The following PHLDA1 variants were observed in gnomAD, a reference collection of about 807,000 sequenced individuals.
The protein encoded by PHLDA1 is pleckstrin homology like domain family A member 1, also known as pleckstrin homology-like domain family A member 1.
Under a neutral mutation model 33.8 loss-of-function variants are expected in PHLDA1, and 28 were observed. The ratio of observed to expected loss-of-function variants is 0.83; its 90% CI spans 0.61 to 1.14. PHLDA1 has a LOEUF of 1.14. Ranked by LOEUF, PHLDA1 falls within the 50% of genes most tolerant of loss-of-function variation. The pLI, the probability that PHLDA1 is intolerant of heterozygous loss-of-function variation, is 0.00. For synonymous variants in PHLDA1, 271 were observed against 243.6 expected, an observed-to-expected ratio of 1.11 and a Z score of -1.05; for missense variants, 595 against 548.6, an observed-to-expected ratio of 1.08 and a Z score of -0.84.
At chr12:76,025,651 A>T (rs1469591393) in exon 2 of PHLDA1, 1 of 152,138 alleles carries the variant, frequency 6.6e-6, no homozygotes, top group Admixed American at 6.6e-5. Context: ...ATATTATAAA[A>T]CGTTAAGAAG....
chr12:76,030,400 G>A, intron 1 of PHLDA1, 110 bp downstream of exon 1: 1 of 790,926 alleles, frequency 1.3e-6, no homozygotes, highest in South Asian at 1.7e-5. Flanking sequence ...AACTTGGTAT[G>A]AGTTTTGATT....
rs1231516756 is a variant in PHLDA1, at chr12:76,031,557, G to A, written c.185C>T (p.Pro62Leu). Residue 62 changes from proline to leucine, a missense_variant, in exon 1 of 2, where the codon CCG (proline) becomes CTG (leucine). Transcript: ENST00000266671. This position sits in a 1 kb window ranked among gnomAD's most constrained non-coding sequence, Gnocchi z 5.4. ...CAAGGTCCCGGAGCTCCGAGCTGCC[G>A]GGCCTCTGCCGTCCTCTTGCGAGCG... The A allele has an allele frequency of 6.4e-6, 10 of 1,557,150 alleles. No individual in the cohort carries two copies. The South Asian group carries it at 7.1e-5, about 11-fold the overall frequency.
chr12:76,031,167 T>TGCTGGTGTTGCA lies in PHLDA1; in HGVS notation c.574_575insTGCAACACCAGC (p.Gln191_Gln192insLeuGlnHisGln). The TGCTGGTGTTGCA allele has an allele frequency of 6.2e-7, 1 of 1,612,050 alleles. No homozygotes were observed. Among genetic ancestry groups the TGCTGGTGTTGCA allele is most frequent in the Non-Finnish European group, 8.5e-7 (1 of 1,179,554 alleles). On this transcript the variant is annotated inframe_insertion, in exon 1 of 2. Coordinates refer to ENST00000266671, the Ensembl canonical transcript of PHLDA1. The surrounding 1 kb of genome is among the most constrained non-coding windows in gnomAD (Gnocchi z 5.4). ...CTGCTGCTGCTGCTGTTGCTGCTGC[T>TGCTGGTGTTGCA]GCTGCTGGTGTTGCAGCTGCTTGGG... is the stretch of plus-strand genomic sequence containing the variant.
chr12:76,031,592 G>C lies in PHLDA1; in HGVS notation c.150C>G (p.Pro50=). The C allele has an allele frequency of 6.3e-7, 1 of 1,578,572 alleles. No homozygotes were observed. The highest frequency in any genetic ancestry group is 8.6e-7 in the Non-Finnish European group (1 of 1,164,948). Residue 50 remains proline (P), a synonymous_variant, in exon 1 of 2, where the codon CCC becomes CCG. Coordinates refer to ENST00000266671, the Ensembl canonical transcript of PHLDA1. The surrounding 1 kb of genome is among the most constrained non-coding windows in gnomAD (Gnocchi z 5.4). ...CGTCCTCTTGCGAGCGCTCACTGAA[G>C]GGCACTGGCCGGGCCCCCTCGCGGC...
chr12:76,030,791 GAGCTGCGGCTGC>G, exon 1 of PHLDA1: 1 of 1,484,936 alleles, frequency 6.7e-7, no homozygotes, highest in South Asian at 1.2e-5. Context: ...GTTGGGGCTG[GAGCTGCGGCTGC>G]GGCTGCGGCT....
At position 76,031,526 on chromosome 12, in the gene PHLDA1, G is replaced by A. The variant is rs764661918; in HGVS notation, c.216C>T (p.Arg72=). 2.0e-6 allele frequency: 3 copies of A among 1,528,448 alleles called. No individual in the cohort carries two copies. Among genetic ancestry groups the A allele is most frequent in the Non-Finnish European group, 1.8e-6 (2 of 1,141,056 alleles). The allele number at this position is 1,528,448 out of a possible 1,614,324, so 94.7% of individuals were successfully genotyped here. Residue 72 remains arginine, a synonymous_variant, in exon 1 of 2, where the codon CGC becomes CGT. Transcript: ENST00000266671. This position sits in a 1 kb window ranked among gnomAD's most constrained non-coding sequence, Gnocchi z 5.4. ...GGCAGAGGGACAGCCGCGTCCTGAT[G>A]CGCCACAAGGTCCCGGAGCTCCGAG...
exon 2 of PHLDA1, chr12:76,026,460 T>C (rs1162368851): frequency 6.6e-6 from 1 of 152,182 alleles, no homozygotes; most frequent in Non-Finnish European, 1.5e-5. Context: ...GGCTTTCTCT[T>C]AAAGGGCTTC....
exon 2 of PHLDA1, chr12:76,026,322 C>G (rs1275495433): frequency 3.9e-5 from 6 of 152,196 alleles, no homozygotes; most frequent in Non-Finnish European, 8.8e-5. Context: ...TCTAAGGCTG[C>G]TACTGAATAT....
chr12:76,027,518 T>C (rs571575828), exon 2 of PHLDA1: 30 of 152,194 alleles, frequency 2.0e-4, no homozygotes, highest in African/African-American at 7.2e-4. Flanking sequence ...TCCTAGCACT[T>C]TGGGAGGCCA....
rs781720454 is a variant in PHLDA1, at chr12:76,031,567, C to A, written c.175G>T (p.Gly59Cys). 6.4e-7 allele frequency: 1 copy of A among 1,567,656 alleles called. No individual in the cohort carries two copies. Among genetic ancestry groups the A allele is most frequent in the Non-Finnish European group, 8.6e-7 (1 of 1,159,822 alleles). The change falls in exon 1 of 2, where the codon GGC becomes TGC. Residue 59 changes from glycine (G) to cysteine (C), a missense_variant. Physicochemically the swap from Gly to Cys is radical, Grantham distance 159 (BLOSUM62 -3). This residue lies in a region of PHLDA1 where 263 missense variants were observed against 232.3 expected (regional missense o/e 1.13). Coordinates refer to ENST00000266671, the Ensembl canonical transcript of PHLDA1. This position sits in a 1 kb window ranked among gnomAD's most constrained non-coding sequence, Gnocchi z 5.4. ...GAGCTCCGAGCTGCCGGGCCTCTGC[C>A]GTCCTCTTGCGAGCGCTCACTGAAG...
At chr12:76,027,499 C>CA (rs1278831773) in exon 2 of PHLDA1, 1 of 152,136 alleles carries the variant, frequency 6.6e-6, no homozygotes, top group Admixed American at 6.6e-5. Context: ...TGGTGGCTCA[C>CA]ACCTGTAATC....
rs1870912119 is a variant in PHLDA1, at chr12:76,031,560, C to A, written c.182G>T (p.Gly61Val). ...GGTCCCGGAGCTCCGAGCTGCCGGG[C>A]CTCTGCCGTCCTCTTGCGAGCGCTC... The change falls in exon 1 of 2, where the codon GGC becomes GTC. Residue 61 changes from glycine to valine, a missense_variant. Transcript: ENST00000266671. The surrounding 1 kb of genome is among the most constrained non-coding windows in gnomAD (Gnocchi z 5.4). The A allele has an allele frequency of 6.4e-7, 1 of 1,559,958 alleles. No individual in the cohort carries two copies. Among genetic ancestry groups the A allele is most frequent in the Non-Finnish European group, 8.6e-7 (1 of 1,156,548 alleles).
exon 2 of PHLDA1, chr12:76,026,710 T>C (rs1438393031): frequency 6.6e-6 from 1 of 152,080 alleles, no homozygotes; most frequent in African/African-American, 2.4e-5. Flanking sequence ...ATGAGGAAAA[T>C]GTTCATTTTA....
At position 76,030,139 on chromosome 12, in the gene PHLDA1, G is replaced by A. The variant is rs143980250; in HGVS notation, c.*27-47C>T. On this transcript the variant is annotated intron_variant, in intron 1 of 1. Coordinates refer to ENST00000266671, the Ensembl canonical transcript of PHLDA1. ...TGAAGTAGGTGGCTAAGAACCCTCCGAGACCAGTTCTGTTCGGGCCAGTCC... is the reference window on the plus strand; with the variant it reads ...TGAAGTAGGTGGCTAAGAACCCTCCAAGACCAGTTCTGTTCGGGCCAGTCC... 1.8e-3 allele frequency: 442 copies of A among 248,840 alleles called. 1 individual carries two copies. Among genetic ancestry groups the A allele is most frequent in the African/African-American group, 9.0e-3 (413 of 46,084 alleles). The allele number at this position is 248,840 out of a possible 1,614,324, so 15.4% of individuals were successfully genotyped here.
chr12:76,030,758 T>C (rs1565702016), exon 1 of PHLDA1: 30 of 1,338,502 alleles, frequency 2.2e-5, no homozygotes, highest in Non-Finnish European at 3.1e-5. Flanking sequence ...GGGGCTGGGG[T>C]TGCGGCTGAG....
chr12:76,031,353 G>A lies in PHLDA1; in HGVS notation c.389C>T (p.Ala130Val), dbSNP rs373438015. The change falls in exon 1 of 2, where the codon GCC becomes GTC. Residue 130 changes from alanine to valine, a missense_variant. Ala to Val is a moderately conservative substitution (Grantham distance 64, BLOSUM62 0). Transcript: ENST00000266671. This position sits in a 1 kb window ranked among gnomAD's most constrained non-coding sequence, Gnocchi z 5.4. ...ATAAGAGGGGCCGCCGCTTGGCTCGGCCTCTCCGTTTCCAGCCGCGCGGGC... is the reference window on the plus strand; with the variant it reads ...ATAAGAGGGGCCGCCGCTTGGCTCGACCTCTCCGTTTCCAGCCGCGCGGGC... The A allele has an allele frequency of 4.3e-6, 7 of 1,611,150 alleles. No homozygotes were observed. Among genetic ancestry groups the A allele is most frequent in the Non-Finnish European group, 5.9e-6 (7 of 1,179,214 alleles).
chr12:76,026,864 G>C (rs1185002293), exon 2 of PHLDA1: 1 of 152,124 alleles, frequency 6.6e-6, no homozygotes, highest in Non-Finnish European at 1.5e-5. Context: ...TTGTTCTCAG[G>C]GAATGACATG....
chr12:76,026,005 G>GGGTGGGATTATCTGC (rs1329068263), exon 2 of PHLDA1: 1 of 152,122 alleles, frequency 6.6e-6, no homozygotes, highest in East Asian at 1.9e-4. Flanking sequence ...AAGTCAATAA[G>GGGTGGGATTATCTGC]CCACCCTTGA....
chr12:76,031,367 AGCCGCGCGG>A lies in PHLDA1; in HGVS notation c.366_374del (p.Arg123_Ala125del). On this transcript the variant is annotated inframe_deletion, in exon 1 of 2. Transcript: ENST00000266671. This position sits in a 1 kb window ranked among gnomAD's most constrained non-coding sequence, Gnocchi z 5.4. ...CGCTTGGCTCGGCCTCTCCGTTTCC[AGCCGCGCGG>A]GCCGGGGGCAGCAGCAGCAGCCTCG... The A allele has an allele frequency of 6.2e-7, 1 of 1,609,538 alleles. No homozygotes were observed. The highest frequency in any genetic ancestry group is 8.5e-7 in the Non-Finnish European group (1 of 1,178,490).
Sources: gnomAD v4.1 joint callset for allele counts on GRCh38, gnomAD v4.1.1 for gene constraint, gnomAD v4.1.1 regional missense constraint, Gnocchi (gnomAD v3.1) non-coding constraint, MANE v1.5 for transcripts, NCBI Gene and HGNC (gene_info 2026-07-23, HGNC 2026-07-21) for gene names.